Variants in AFAP1 observed in about 807,000 individuals in gnomAD.
AFAP1 encodes the protein actin filament-associated protein 1.
In AFAP1, 75 loss-of-function variants were observed where a neutral mutation model predicts 93.9. The ratio of observed to expected loss-of-function variants is 0.80; its 90% CI spans 0.66 to 0.97. The LOEUF (loss-of-function observed/expected upper bound fraction) is 0.97, where lower values mean the gene tolerates loss of function less well. AFAP1 is among the 50% of genes least tolerant of loss of function. The pLI is 0.00. For missense variants in AFAP1, 1,201 were observed against 1,050.8 expected, an observed-to-expected ratio of 1.14 and a Z score of -1.98; for synonymous variants, 517 against 430.7, an observed-to-expected ratio of 1.20 and a Z score of -2.48.
rs928363278 is a variant in AFAP1 at position 7,800,499 on chromosome 4, A to G, written c.1209T>C (p.Ser403=). The G allele has an allele frequency of 7.4e-6, 12 of 1,614,118 alleles. No individual in the cohort carries two copies. In the African/African-American group the frequency reaches 1.6e-4, roughly 22 times the overall value. Residue 403 remains serine (S), a synonymous_variant, in exon 10 of 18, where the codon TCT becomes TCC. Transcript: ENST00000420658. ...GCAGCCGGAACGTCAGAGGATGTTT[A>G]GAATCCAAACCCGGGATCACCTCGC... ...RGCEVIPGLD[S]KHPLTFRLLR...
At position 7,845,992 on chromosome 4, in the gene AFAP1, A is replaced by G. The variant is rs114286245; in HGVS notation, c.335-2642T>C. 5.6e-3 allele frequency among the ~76,000 whole-genome samples: 855 copies of G among 152,300 alleles called. 5 individuals are homozygous for G. The highest frequency in any genetic ancestry group is 0.02 in the African/African-American group (830 of 41,562). On this transcript the variant is annotated intron_variant, in intron 4 of 17. Transcript: ENST00000420658. ...CAGGGAAGACAGCACAGAAGATGTCACTTTAGAGCCAGGCCTTGAGACAAG... is the reference window on the plus strand; with the variant it reads ...CAGGGAAGACAGCACAGAAGATGTCGCTTTAGAGCCAGGCCTTGAGACAAG...
chr4:7,770,729 A>C (rs1203847740), intron 16 of AFAP1, among the ~76,000 whole-genome samples: 10 of 152,070 alleles, frequency 6.6e-5, no homozygotes, highest in Admixed American at 6.5e-4. Context: ...GAGCCCAGGA[A>C]GCCCAGCCCC....
intron 11 of AFAP1, among the ~76,000 whole-genome samples, chr4:7,787,396 T>A (rs1717401066): frequency 6.6e-6 from 1 of 152,214 alleles, no homozygotes; most frequent in Non-Finnish European, 1.5e-5. Context: ...TAGCAATGAC[T>A]GAACTGGAGG....
intron 4 of AFAP1, among the ~76,000 whole-genome samples, chr4:7,854,727 A>T (rs34196498): frequency 3.2e-4 from 2 of 6,162 alleles, no homozygotes; most frequent in Non-Finnish European, 9.1e-4. Context: ...CTTTCTTTTT[A>T]AAAAAAGCAA....
chr4:7,886,586 A>G (rs1434742569), intron 1 of AFAP1, among the ~76,000 whole-genome samples: 1 of 152,250 alleles, frequency 6.6e-6, no homozygotes, highest in East Asian at 1.9e-4. Flanking sequence ...TAAACTCCAC[A>G]GAACACTTTA....
At chr4:7,907,412 A>C (rs1719474368) in intron 1 of AFAP1, among the ~76,000 whole-genome samples, 1 of 152,242 alleles carries the variant, frequency 6.6e-6, no homozygotes, top group Admixed American at 6.5e-5. Context: ...GATATCTCAA[A>C]GTCAGAACTA....
At chr4:7,822,700 T>A (rs1721079425) in intron 6 of AFAP1, among the ~76,000 whole-genome samples, 1 of 149,928 alleles carries the variant, frequency 6.7e-6, no homozygotes, top group Non-Finnish European at 1.5e-5. Flanking sequence ...TTCTCCTGCC[T>A]CAGCCTCCTG....
chr4:7,796,763 CA>C (rs35572939), intron 10 of AFAP1, among the ~76,000 whole-genome samples: 5 of 83,954 alleles, frequency 6.0e-5, no homozygotes, highest in Admixed American at 3.7e-4. Context: ...AAAAAAAAAA[CA>C]AAAAAAAACT....
At chr4:7,764,726 G>C (rs1404086857) in intron 17 of AFAP1, among the ~76,000 whole-genome samples, 1 of 152,198 alleles carries the variant, frequency 6.6e-6, no homozygotes, top group Admixed American at 6.6e-5. Context: ...AGTGGGCACT[G>C]GGCAGGCACT....
chr4:7,768,411 G>T (rs141905227), intron 17 of AFAP1, among the ~76,000 whole-genome samples: 1 of 152,200 alleles, frequency 6.6e-6, no homozygotes, highest in African/African-American at 2.4e-5. Context: ...TGCAGCTGGC[G>T]GTGCTAGGGA....
At chr4:7,773,218 G>C in intron 15 of AFAP1, 1 of 746,436 alleles carries the variant, frequency 1.3e-6, no homozygotes, top group South Asian at 2.0e-5. Flanking sequence ...CAGCCGTTGA[G>C]GACTCGGACC....
intron 6 of AFAP1, among the ~76,000 whole-genome samples, chr4:7,832,213 G>A (rs1370163303): frequency 2.0e-5 from 3 of 152,006 alleles, no homozygotes; most frequent in East Asian, 1.9e-4. Context: ...AAGTAAGCTC[G>A]ACAGTAGAAA....
chr4:7,802,162 TATG>T (rs1719109356), intron 9 of AFAP1, among the ~76,000 whole-genome samples: 1 of 152,232 alleles, frequency 6.6e-6, no homozygotes, highest in African/African-American at 2.4e-5. Flanking sequence ...ATTGGCTGAA[TATG>T]ATGTCATTTC....
intron 1 of AFAP1, among the ~76,000 whole-genome samples, chr4:7,922,422 T>C (rs571209189): frequency 1.3e-5 from 2 of 152,132 alleles, no homozygotes; most frequent in South Asian, 4.1e-4. Flanking sequence ...ATTTCAAGTC[T>C]TGAAGGATGG....
At chr4:7,920,393 GCTAA>G (rs1167648174) in intron 1 of AFAP1, among the ~76,000 whole-genome samples, 5 of 152,174 alleles carry the variant, frequency 3.3e-5, no homozygotes, top group African/African-American at 1.2e-4. Flanking sequence ...ATTATTGTGC[GCTAA>G]CTTTTTGGAT....
At chr4:7,876,263 T>C (rs1016467201) in intron 1 of AFAP1, among the ~76,000 whole-genome samples, 17 of 152,262 alleles carry the variant, frequency 1.1e-4, no homozygotes, top group Non-Finnish European at 2.2e-4. Flanking sequence ...CTGGCCAAGG[T>C]ATCTGCCCAT....
chr4:7,846,238 A>G (rs1303622417), intron 4 of AFAP1, among the ~76,000 whole-genome samples: 1 of 152,236 alleles, frequency 6.6e-6, no homozygotes, highest in African/African-American at 2.4e-5. Flanking sequence ...AATGGTGGTT[A>G]CACAGATGGC....
intron 16 of AFAP1, 94 bp from the exon 17 acceptor site, chr4:7,769,102 T>C: frequency 6.8e-7 from 1 of 1,466,360 alleles, no homozygotes; most frequent in Non-Finnish European, 9.1e-7. Context: ...AAGAAATAAG[T>C]TTTGGAAATG....
At chr4:7,880,516 G>A (rs1209250087) in intron 1 of AFAP1, among the ~76,000 whole-genome samples, 2 of 152,172 alleles carry the variant, frequency 1.3e-5, no homozygotes, top group African/African-American at 2.4e-5. Flanking sequence ...CTGACCTGAT[G>A]ATCCACCCAC....
Sources: allele counts gnomAD v4.1 joint callset (sites outside exome capture counted in the v4.1 genomes callset), GRCh38; gene constraint gnomAD v4.1.1; transcripts MANE v1.5; gene names NCBI Gene and HGNC (gene_info 2026-07-23, HGNC 2026-07-21).